Variants in RABGAP1L observed in about 807,000 individuals in gnomAD.
RABGAP1L encodes the protein rab GTPase-activating protein 1-like.
Under a neutral mutation model 137.7 loss-of-function variants are expected in RABGAP1L, and 63 were observed. The observed-to-expected ratio is 0.46, with a 90% CI of 0.37 to 0.56. The LOEUF (loss-of-function observed/expected upper bound fraction) is 0.56, where lower values mean the gene tolerates loss of function less well. Among genes scored for constraint, RABGAP1L ranks in the 20% least tolerant of loss-of-function variants. The pLI is 0.00. For missense variants in RABGAP1L, 1,095 were observed against 1,244.0 expected (o/e 0.88, Z 1.80); for synonymous variants, 431 against 433.7 (o/e 0.99, Z 0.08).
chr1:174,609,889 T>A (rs188777595), intron 13 of RABGAP1L, among the ~76,000 whole-genome samples: 2 of 152,076 alleles, frequency 1.3e-5, no homozygotes, highest in Non-Finnish European at 2.9e-5. Flanking sequence ...TTTTTTAAAT[T>A]ATTTTGGATG....
intron 21 of RABGAP1L, among the ~76,000 whole-genome samples, chr1:174,971,065 C>T (rs1163453914): frequency 6.6e-6 from 1 of 151,688 alleles, no homozygotes; most frequent in Non-Finnish European, 1.5e-5. Flanking sequence ...CAAGGAAATA[C>T]ATCAAAATGT....
At chr1:174,966,114 CTT>C (rs1002766009) in intron 20 of RABGAP1L, among the ~76,000 whole-genome samples, 3 of 152,188 alleles carry the variant, frequency 2.0e-5, no homozygotes, top group African/African-American at 7.2e-5. Flanking sequence ...CATCCTATGA[CTT>C]TACTTGGAGG....
intron 13 of RABGAP1L, among the ~76,000 whole-genome samples, chr1:174,483,474 T>C (rs1659325207): frequency 6.6e-6 from 1 of 152,258 alleles, no homozygotes. Context: ...TATCTCATTA[T>C]TTTTTATGGC....
intron 7 of RABGAP1L, among the ~76,000 whole-genome samples, chr1:174,262,575 A>G (rs1673667719): frequency 6.6e-6 from 1 of 152,184 alleles, no homozygotes; most frequent in South Asian, 2.1e-4. Context: ...GTACAGTATC[A>G]CAGCTAGGAA....
chr1:174,843,938 T>TA (rs1285578853), intron 19 of RABGAP1L, among the ~76,000 whole-genome samples: 1 of 120,088 alleles, frequency 8.3e-6, no homozygotes, highest in African/African-American at 3.2e-5. Context: ...TGTGAGATGA[T>TA]ATCTCATAGT....
chr1:174,602,415 A>G (rs1670482048), intron 13 of RABGAP1L, among the ~76,000 whole-genome samples: 1 of 152,134 alleles, frequency 6.6e-6, no homozygotes, highest in Non-Finnish European at 1.5e-5. Context: ...AACTCGTGAG[A>G]CTTATTCACT....
At chr1:174,167,877 C>A (rs1346029330) in intron 1 of RABGAP1L, among the ~76,000 whole-genome samples, 1 of 152,040 alleles carries the variant, frequency 6.6e-6, no homozygotes, top group Non-Finnish European at 1.5e-5. Context: ...CATTGTGAGG[C>A]CTTTTGCTGA....
intron 13 of RABGAP1L, among the ~76,000 whole-genome samples, chr1:174,597,748 A>C (rs1221623079): frequency 6.6e-6 from 1 of 151,648 alleles, no homozygotes; most frequent in African/African-American, 2.4e-5. Context: ...CTTTCATCTT[A>C]GTTATTTCTT....
chr1:174,743,579 C>T (rs1161760673), intron 17 of RABGAP1L, among the ~76,000 whole-genome samples: 3 of 152,016 alleles, frequency 2.0e-5, no homozygotes, highest in Non-Finnish European at 2.9e-5. Flanking sequence ...CAACAAACCC[C>T]CTATGTCACA....
At chr1:174,795,516 T>G (rs1343353100) in intron 18 of RABGAP1L, among the ~76,000 whole-genome samples, 3 of 152,328 alleles carry the variant, frequency 2.0e-5, no homozygotes, top group Admixed American at 2.0e-4. Context: ...GTTTTATCAC[T>G]TCTCTACAGA....
intron 13 of RABGAP1L, among the ~76,000 whole-genome samples, chr1:174,614,298 A>G (rs1237658276): frequency 6.6e-6 from 1 of 152,076 alleles, no homozygotes; most frequent in Non-Finnish European, 1.5e-5. Flanking sequence ...AAAGGAGTTT[A>G]TTTCTCCTTC....
chr1:174,222,991 T>C (rs1323608781), intron 3 of RABGAP1L, among the ~76,000 whole-genome samples: 1 of 151,498 alleles, frequency 6.6e-6, no homozygotes, highest in African/African-American at 2.4e-5. Context: ...CAAAAATGGC[T>C]GGGCGGGGTG....
At chr1:174,655,596 T>C (rs1336158181) in intron 14 of RABGAP1L, among the ~76,000 whole-genome samples, 4 of 152,200 alleles carry the variant, frequency 2.6e-5, no homozygotes, top group Non-Finnish European at 4.4e-5. Context: ...CACGATGAAA[T>C]TACTCTTTTC....
intron 17 of RABGAP1L, among the ~76,000 whole-genome samples, chr1:174,739,792 T>C (rs1465550709): frequency 2.0e-5 from 3 of 152,216 alleles, no homozygotes; most frequent in Admixed American, 6.5e-5. Context: ...AATAATGGCC[T>C]ATATGCCGGA....
At chr1:174,744,875 A>C (rs562608016) in intron 17 of RABGAP1L, among the ~76,000 whole-genome samples, 2 of 152,250 alleles carry the variant, frequency 1.3e-5, no homozygotes, top group Non-Finnish European at 2.9e-5. Context: ...TGATCATTAT[A>C]CTATGGTTAT....
chr1:174,511,377 A>G (rs1328588779), intron 13 of RABGAP1L, among the ~76,000 whole-genome samples: 1 of 152,174 alleles, frequency 6.6e-6, no homozygotes, highest in South Asian at 2.1e-4. Flanking sequence ...GCTCATAGGT[A>G]TTGCTGAATG....
intron 19 of RABGAP1L, among the ~76,000 whole-genome samples, chr1:174,849,205 G>A (rs1647755548): frequency 6.6e-6 from 1 of 152,120 alleles, no homozygotes; most frequent in African/African-American, 2.4e-5. Context: ...GCTCACGCTG[G>A]GAGCTGTAGA....
rs28605445 is a variant in RABGAP1L, at chr1:174,424,823, C to T, written c.1710+30678C>T. ...ACACAATTTATATTTTATTTGTGCA[C>T]ATGATTAACACTTTATTGGAATTAT... On this transcript the variant is annotated intron_variant, in intron 13 of 25. Coordinates refer to ENST00000681986, the MANE Select transcript of RABGAP1L (RefSeq NM_001366446.1). Among the ~76,000 whole-genome samples, 1,449 of 151,988 alleles carry T rather than the reference C, an allele frequency of 9.5e-3. 24 individuals carry two copies. The highest frequency in any genetic ancestry group is 0.033 in the African/African-American group (1,387 of 41,490).
intron 9 of RABGAP1L, among the ~76,000 whole-genome samples, chr1:174,276,436 C>T (rs1675010659): frequency 1.3e-5 from 2 of 152,210 alleles, no homozygotes; most frequent in South Asian, 4.1e-4. Flanking sequence ...TGAGCCACTG[C>T]ACCTGGCCTG....
Sources: gnomAD v4.1 joint callset for allele counts (sites outside exome capture counted in the v4.1 genomes callset) on GRCh38, gnomAD v4.1.1 for gene constraint, MANE v1.5 for transcripts, NCBI Gene and HGNC (gene_info 2026-07-23, HGNC 2026-07-21) for gene names.